The following LDLRAD4 variants were observed in gnomAD, a reference collection of about 807,000 sequenced individuals.
LDLRAD4 encodes the protein low-density lipoprotein receptor class A domain-containing protein 4.
Under a neutral mutation model 17.0 loss-of-function variants are expected in LDLRAD4, and 5 were observed. That is an observed-to-expected ratio of 0.29 (90% CI 0.15 to 0.62). The LOEUF is 0.62. Among genes scored for constraint, LDLRAD4 ranks in the 20% least tolerant of loss-of-function variants. The probability of loss-of-function intolerance (pLI) is 0.84; values close to 1 mark genes in which losing one functional copy is unlikely to be tolerated. For synonymous variants in LDLRAD4, 168 were observed against 171.8 expected (o/e 0.98, Z 0.17); for missense variants, 340 against 424.7 (o/e 0.80, Z 1.75).
At chr18:13,516,599 G>A (rs1438053620) in intron 3 of LDLRAD4, among the ~76,000 whole-genome samples, 2 of 152,192 alleles carry the variant, frequency 1.3e-5, no homozygotes, top group Non-Finnish European at 1.5e-5. Context: ...CCAACAGAGC[G>A]GCACTTCAAG....
chr18:13,445,339 G>T (rs1403160340), intron 3 of LDLRAD4, among the ~76,000 whole-genome samples: 1 of 152,130 alleles, frequency 6.6e-6, no homozygotes, highest in Non-Finnish European at 1.5e-5. Flanking sequence ...GTGTAGTTGT[G>T]TGCACAAGTG....
At chr18:13,345,532 T>C (rs1211578587) in intron 1 of LDLRAD4, among the ~76,000 whole-genome samples, 7 of 152,152 alleles carry the variant, frequency 4.6e-5, no homozygotes, top group African/African-American at 9.7e-5. Flanking sequence ...GGGATATTGG[T>C]CTAAAATTCT....
Position 13,398,095 on chromosome 18 carries a change from T to C in LDLRAD4, c.40+10333T>C, listed in dbSNP as rs1057420589. Among the ~76,000 whole-genome samples the C allele has an allele frequency of 6.6e-6, 1 of 151,852 alleles. No homozygotes were observed. The highest frequency in any genetic ancestry group is 1.5e-5 in the Non-Finnish European group (1 of 67,978). ...GCCAGTGGGGGCCACCATGTCAGGG[T>C]TGAAAGTGGGGCTGTCTCAGATCCT... is the stretch of plus-strand genomic sequence containing the variant. On this transcript the variant is annotated intron_variant, in intron 2 of 5. Transcript: ENST00000359446. The surrounding 1 kb of genome is among the most constrained non-coding windows in gnomAD (Gnocchi z 4.8).
At chr18:13,318,665 C>T (rs1295481690) in intron 1 of LDLRAD4, among the ~76,000 whole-genome samples, 2 of 152,204 alleles carry the variant, frequency 1.3e-5, no homozygotes, top group Non-Finnish European at 2.9e-5. Context: ...TGATGCTGCT[C>T]TTAATGTGCC....
At chr18:13,401,664 G>A (rs1404568385) in intron 2 of LDLRAD4, among the ~76,000 whole-genome samples, 2 of 152,216 alleles carry the variant, frequency 1.3e-5, no homozygotes, top group African/African-American at 4.8e-5. Flanking sequence ...AGCAAATGAT[G>A]ATGTTTTGCT....
Position 13,446,758 on chromosome 18 carries a change from T to C in LDLRAD4, c.181+8374T>C, listed in dbSNP as rs77201488. ...TGTTTCTGCCATCACCATCCCCGCTTCACCTGCTGCGGGCGCCAAGAGCCC... is the reference window on the plus strand; with the variant it reads ...TGTTTCTGCCATCACCATCCCCGCTCCACCTGCTGCGGGCGCCAAGAGCCC... On this transcript the variant is annotated intron_variant, in intron 3 of 5. Transcript: ENST00000359446. Among the ~76,000 whole-genome samples the C allele has an allele frequency of 1.4e-3, 207 of 152,322 alleles. 1 individual carries two copies. Among genetic ancestry groups the C allele is most frequent in the African/African-American group, 4.8e-3 (199 of 41,580 alleles).
chr18:13,228,700 T>C (rs944916316), intron 1 of LDLRAD4, among the ~76,000 whole-genome samples: 2 of 152,134 alleles, frequency 1.3e-5, no homozygotes, highest in Non-Finnish European at 2.9e-5. Flanking sequence ...ACAAAAAAAA[T>C]GTTAAAAAAT....
chr18:13,338,207 C>G (rs549059394), intron 1 of LDLRAD4, among the ~76,000 whole-genome samples: 5 of 152,336 alleles, frequency 3.3e-5, no homozygotes, highest in African/African-American at 1.2e-4. Context: ...TGCTTCATAT[C>G]ATCCACCATG....
intron 1 of LDLRAD4, among the ~76,000 whole-genome samples, chr18:13,269,250 A>G (rs2044386793): frequency 6.6e-6 from 1 of 152,260 alleles, no homozygotes; most frequent in African/African-American, 2.4e-5. Context: ...ACTAGTTAAT[A>G]GTGGCTCCCA....
intron 1 of LDLRAD4, among the ~76,000 whole-genome samples, chr18:13,342,682 A>G (rs1426362303): frequency 6.6e-6 from 1 of 151,814 alleles, no homozygotes; most frequent in African/African-American, 2.4e-5. Context: ...TGCATGGAAT[A>G]TTACAAATAG....
At chr18:13,553,702 T>C (rs1045433586) in intron 3 of LDLRAD4, among the ~76,000 whole-genome samples, 26 of 152,362 alleles carry the variant, frequency 1.7e-4, no homozygotes, top group Admixed American at 1.2e-3. Flanking sequence ...CTAACCTCCA[T>C]TTCTACTGCT....
intron 1 of LDLRAD4, among the ~76,000 whole-genome samples, chr18:13,292,757 T>C (rs1468227715): frequency 6.6e-6 from 1 of 152,244 alleles, no homozygotes; most frequent in Non-Finnish European, 1.5e-5. Context: ...TTGCAATTAA[T>C]GAGGCAGCAG....
chr18:13,331,412 A>G (rs540138196), intron 1 of LDLRAD4, among the ~76,000 whole-genome samples: 20 of 152,350 alleles, frequency 1.3e-4, no homozygotes, highest in African/African-American at 4.8e-4. Flanking sequence ...GTATTTTTCC[A>G]CACCATGATG....
rs192592576 is a variant in LDLRAD4, at chr18:13,327,385, A to G, written c.-383+49197A>G. 1.2e-4 allele frequency among the ~76,000 whole-genome samples: 19 copies of G among 152,112 alleles called. No individual in the cohort carries two copies. In the East Asian group the frequency reaches 1.9e-3, roughly 16 times the overall value. ...AAGGAAGGAGCTGGAAGTAGTGGAC[A>G]AGCAGCAGCACCACCACGTGGAAAG... On this transcript the variant is annotated intron_variant, in intron 1 of 5. Coordinates refer to ENST00000359446, the Ensembl canonical transcript of LDLRAD4.
At chr18:13,231,494 AG>A (rs1449223481) in intron 1 of LDLRAD4, among the ~76,000 whole-genome samples, 1 of 152,246 alleles carries the variant, frequency 6.6e-6, no homozygotes, top group Non-Finnish European at 1.5e-5. Flanking sequence ...CAAATCAACC[AG>A]CCACGAATGG....
At chr18:13,651,190 G>A (rs2043231403) in exon 6 of LDLRAD4, 1 of 152,246 alleles carries the variant, frequency 6.6e-6, no homozygotes, top group African/African-American at 2.4e-5. Context: ...TGCAGAAACT[G>A]TGTCAGAGGA....
chr18:13,381,361 C>T (rs1423799210), intron 1 of LDLRAD4, among the ~76,000 whole-genome samples: 3 of 152,194 alleles, frequency 2.0e-5, no homozygotes, highest in Non-Finnish European at 4.4e-5. Context: ...AGGCACCGTG[C>T]CCGCCCACTG....
intron 1 of LDLRAD4, among the ~76,000 whole-genome samples, chr18:13,268,679 T>A (rs2044358527): frequency 6.6e-6 from 1 of 152,264 alleles, no homozygotes; most frequent in Non-Finnish European, 1.5e-5. Flanking sequence ...AGTATTATAT[T>A]GTAAACCTGT....
intron 3 of LDLRAD4, among the ~76,000 whole-genome samples, chr18:13,518,660 C>T (rs1018029792): frequency 6.6e-6 from 1 of 152,162 alleles, no homozygotes; most frequent in Non-Finnish European, 1.5e-5. Flanking sequence ...AACTCTTGGC[C>T]TAGGTTGAAG....
Sources: allele counts gnomAD v4.1 joint callset (sites outside exome capture counted in the v4.1 genomes callset), GRCh38; gene constraint gnomAD v4.1.1; non-coding constraint Gnocchi (gnomAD v3.1); transcripts MANE v1.5; gene names NCBI Gene and HGNC (gene_info 2026-07-23, HGNC 2026-07-21).